Variants in NFIB observed in about 807,000 individuals in gnomAD.
NFIB encodes the protein nuclear factor I B.
In NFIB, 11 loss-of-function variants were observed where a neutral mutation model predicts 61.5. The ratio of observed to expected loss-of-function variants is 0.18; its 90% CI spans 0.11 to 0.30. The LOEUF (loss-of-function observed/expected upper bound fraction) is 0.30, where lower values mean the gene tolerates loss of function less well. Ranked by LOEUF, NFIB falls within the 10% of genes least tolerant of loss-of-function variation. NFIB has a pLI of 1.00. For synonymous variants in NFIB, 260 were observed against 216.5 expected, an observed-to-expected ratio of 1.20 and a Z score of -1.76; for missense variants, 471 against 608.9, an observed-to-expected ratio of 0.77 and a Z score of 2.38.
In NFIB at chr9:14,312,948, G is replaced by C. The variant is rs777262105; in HGVS notation, c.30+534C>G. Among the ~76,000 whole-genome samples, 36 of 152,180 alleles carry C rather than the reference G, an allele frequency of 2.4e-4. 2 individuals are homozygous for C. Among genetic ancestry groups the C allele is most frequent in the Non-Finnish European group, 4.1e-4 (28 of 68,030 alleles). ...GATCCCCAAATAAAGCAAAGGAATG[G>C]GTCCCCGGACCACAACCTCCGACTC... On this transcript the variant is annotated intron_variant, in intron 1 of 10. Transcript: ENST00000380953.
At chr9:14,521,475 G>C in the NFIB span, among the ~76,000 whole-genome samples, 1 of 152,090 alleles carries the variant, frequency 6.6e-6, no homozygotes, top group African/African-American at 2.4e-5. Flanking sequence ...TAAACTCCCT[G>C]GGCCTCAGTA....
chr9:14,358,833 A>G (rs1371892370), intron 1 of NFIB, among the ~76,000 whole-genome samples: 1 of 152,256 alleles, frequency 6.6e-6, no homozygotes, highest in Non-Finnish European at 1.5e-5. Context: ...CAGTTGTTAA[A>G]CACTCACCAT....
chr9:14,299,336 T>G (rs2059623967), intron 2 of NFIB, among the ~76,000 whole-genome samples: 1 of 152,216 alleles, frequency 6.6e-6, no homozygotes, highest in Admixed American at 6.5e-5. Flanking sequence ...ATGTGTCGCT[T>G]AATATTAATG....
chr9:14,376,221 G>A (rs1014461745), intron 1 of NFIB, among the ~76,000 whole-genome samples: 1 of 152,174 alleles, frequency 6.6e-6, no homozygotes, highest in Non-Finnish European at 1.5e-5. Context: ...ACCATGTTCA[G>A]TTTAAGCTAT....
Position 14,100,143 on chromosome 9 carries a change from C to A in NFIB, c.1468-11817G>T, listed in dbSNP as rs145323132. ...AGCTTTTAGGATCATTAAGACCATT[C>A]TACATGCCATTACCTACTAATCAAA... is the stretch of plus-strand genomic sequence containing the variant. On this transcript the variant is annotated intron_variant, in intron 10 of 10. Coordinates refer to ENST00000380953, the MANE Select transcript of NFIB (RefSeq NM_001190737.2). Among the ~76,000 whole-genome samples the A allele has an allele frequency of 3.6e-3, 542 of 152,274 alleles. 4 individuals carry two copies. In the East Asian group the frequency reaches 0.037, roughly 10 times the overall value.
intron 2 of NFIB, among the ~76,000 whole-genome samples, chr9:14,304,732 A>C (rs1286024236): frequency 6.6e-6 from 1 of 152,202 alleles, no homozygotes; most frequent in Non-Finnish European, 1.5e-5. Flanking sequence ...ATGTACTTAG[A>C]AGACAAATAA....
At chr9:14,102,636 A>AT in intron 10 of NFIB, 12 of 631,070 alleles carry the variant, frequency 1.9e-5, no homozygotes, top group Admixed American at 4.0e-5. Context: ...GGCAACTTAA[A>AT]GAAAAAAAAA....
chr9:14,463,754 G>A, the NFIB span, among the ~76,000 whole-genome samples: 3 of 140,198 alleles, frequency 2.1e-5, no homozygotes, highest in Admixed American at 8.1e-5. Context: ...TCCGCCTCCC[G>A]GGTTCACGCC....
rs7858 is a variant in NFIB, at chr9:14,087,770, C to T, written c.*539G>A. The T allele has an allele frequency of 0.13, 29,018 of 219,056 alleles. 2,170 individuals are homozygous for T. The highest frequency in any genetic ancestry group is 0.23 in the South Asian group (1,224 of 5,374). The allele number at this position is 219,056 out of a possible 1,614,324, so 13.6% of individuals were successfully genotyped here. A position where few individuals can be genotyped will look rare whatever the true frequency, so the allele number is the denominator to read the frequency against. On this transcript the variant is annotated 3_prime_UTR_variant, in exon 11 of 11. Transcript: ENST00000380953. Reference sequence around the variant, plus strand: ...TGGCTCATGGCTCTGTCACCCAGCACCTCTGACGCCGCCTCCTAGCCTTCG... The same window carrying T: ...TGGCTCATGGCTCTGTCACCCAGCATCTCTGACGCCGCCTCCTAGCCTTCG...
At chr9:14,417,160 G>A in the NFIB span, among the ~76,000 whole-genome samples, 1 of 152,012 alleles carries the variant, frequency 6.6e-6, no homozygotes, top group East Asian at 1.9e-4. Flanking sequence ...CAAAGTGCTG[G>A]GATTACAGGT....
intron 7 of NFIB, among the ~76,000 whole-genome samples, chr9:14,122,049 G>A (rs1267030013): frequency 6.6e-6 from 1 of 151,648 alleles, no homozygotes; most frequent in Non-Finnish European, 1.5e-5. Flanking sequence ...CAAATAATAG[G>A]AAATTATAAA....
intron 1 of NFIB, among the ~76,000 whole-genome samples, chr9:14,387,111 G>C (rs921067876): frequency 1.3e-5 from 2 of 152,186 alleles, no homozygotes; most frequent in Non-Finnish European, 1.5e-5. Context: ...TGTATGACTT[G>C]GGGTTAGGTG....
intron 1 of NFIB, among the ~76,000 whole-genome samples, chr9:14,387,761 A>C (rs1435046694): frequency 6.6e-6 from 1 of 152,208 alleles, no homozygotes; most frequent in African/African-American, 2.4e-5. Context: ...AGAGTTAATT[A>C]AGTGTGCTTA....
intron 2 of NFIB, among the ~76,000 whole-genome samples, chr9:14,255,115 T>C (rs1369368047): frequency 2.0e-5 from 3 of 151,974 alleles, no homozygotes; most frequent in African/African-American, 7.3e-5. Flanking sequence ...CCCAGTTTCT[T>C]GGGAGGCTAA....
the NFIB span, among the ~76,000 whole-genome samples, chr9:14,447,814 T>A: frequency 1.3e-5 from 2 of 152,184 alleles, no homozygotes; most frequent in African/African-American, 2.4e-5. Flanking sequence ...CATGTTCATT[T>A]GTTTCAACAA....
chr9:14,470,746 G>A, the NFIB span, among the ~76,000 whole-genome samples: 4 of 152,278 alleles, frequency 2.6e-5, no homozygotes, highest in Middle Eastern at 3.4e-3. Context: ...GATTTCTGCC[G>A]AAACTAGGAG....
intron 2 of NFIB, among the ~76,000 whole-genome samples, chr9:14,284,297 A>G (rs750454962): frequency 1.1e-4 from 17 of 152,214 alleles, no homozygotes; most frequent in Non-Finnish European, 1.8e-4. Flanking sequence ...AACAGTAATA[A>G]TAAGGAGGAT....
intron 1 of NFIB, among the ~76,000 whole-genome samples, chr9:14,367,962 G>T (rs2061320329): frequency 6.6e-6 from 1 of 152,164 alleles, no homozygotes; most frequent in Admixed American, 6.5e-5. Flanking sequence ...AAACCTCCAT[G>T]GCACGTGTAT....
At chr9:14,175,274 C>T (rs1025894266) in intron 3 of NFIB, among the ~76,000 whole-genome samples, 2 of 143,730 alleles carry the variant, frequency 1.4e-5, no homozygotes, top group African/African-American at 2.5e-5. Flanking sequence ...CCCAGGTTCA[C>T]GCCACTCTCC....
Sources: gnomAD v4.1 joint callset for allele counts (sites outside exome capture counted in the v4.1 genomes callset) on GRCh38, gnomAD v4.1.1 for gene constraint, MANE v1.5 for transcripts, NCBI Gene and HGNC (gene_info 2026-07-23, HGNC 2026-07-21) for gene names.